Variants in SLC6A2 observed in about 807,000 individuals in gnomAD.
SLC6A2 encodes the protein sodium-dependent noradrenaline transporter.
Under a neutral mutation model 71.7 loss-of-function variants are expected in SLC6A2, and 26 were observed. That is an observed-to-expected ratio of 0.36 (90% CI 0.27 to 0.50). SLC6A2 has a LOEUF of 0.50. SLC6A2 is among the 20% of genes least tolerant of loss of function. The pLI is 0.96. For missense variants in SLC6A2, 581 were observed against 803.9 expected (o/e 0.72, Z 3.35); for synonymous variants, 363 against 337.9 (o/e 1.07, Z -0.82).
intron 13 of SLC6A2, among the ~76,000 whole-genome samples, chr16:55,701,460 C>T (rs1965969225): frequency 6.6e-6 from 1 of 152,204 alleles, no homozygotes; most frequent in East Asian, 1.9e-4. Flanking sequence ...GGAGGGCTTT[C>T]CTGATTCCCT....
At position 55,700,132 on chromosome 16, in the gene SLC6A2, T is replaced by C. The variant is rs1965923902; in HGVS notation, c.1591-7T>C. The C allele has an allele frequency of 6.2e-7, 1 of 1,613,382 alleles. No homozygotes were observed. The highest frequency in any genetic ancestry group is 8.5e-7 in the Non-Finnish European group (1 of 1,179,440). The stretch of plus-strand genomic sequence containing the variant: ...TTCCTTTCTCTCCCTTCTCTGCCCA[T>C]CTCTAGTTCGTGGTTGTGGTCAGCA... On this transcript the variant is annotated splice_polypyrimidine_tract_variant and splice_region_variant and intron_variant, in intron 12 of 14. Coordinates refer to ENST00000568943, the MANE Select transcript of SLC6A2 (RefSeq NM_001172501.3).
At position 55,656,362 on chromosome 16, in the gene SLC6A2, A is replaced by G. The variant is rs753127031; in HGVS notation, c.-52+193A>G. On this transcript the variant is annotated intron_variant, in intron 1 of 14. Coordinates refer to ENST00000568943, the MANE Select transcript of SLC6A2 (RefSeq NM_001172501.3). This position sits in a 1 kb window ranked among gnomAD's most constrained non-coding sequence, Gnocchi z 4.5. Reference sequence around the variant, plus strand: ...GCTGCCCTCAGCCTCGGTGAGTTCAATCCCAGCCATTTGGGGCAGGCGAGA... The same window carrying G: ...GCTGCCCTCAGCCTCGGTGAGTTCAGTCCCAGCCATTTGGGGCAGGCGAGA... 20 of 435,548 alleles carry G rather than the reference A, an allele frequency of 4.6e-5. No homozygotes were observed. Among genetic ancestry groups the G allele is most frequent in the Non-Finnish European group, 7.2e-5 (17 of 234,582 alleles). 27.0% of individuals were successfully genotyped at this position (435,548 alleles called of 1,614,324 possible).
At position 55,691,878 on chromosome 16, in the gene SLC6A2, G is replaced by T. The variant is rs1395599226; in HGVS notation, c.784-40G>T. 4.3e-6 allele frequency: 7 copies of T among 1,612,586 alleles called. No individual in the cohort carries two copies. In the Admixed American group the frequency reaches 1.2e-4, roughly 27 times the overall value. On this transcript the variant is annotated intron_variant, in intron 5 of 14. Coordinates refer to ENST00000568943, the MANE Select transcript of SLC6A2 (RefSeq NM_001172501.3). ...CCCACCAGCCCGCCACGGGATTGGG[G>T]CCAGAGCGAGGCTCTCACCTGAACT...
chr16:55,657,879 C>T (rs1413929915), intron 2 of SLC6A2, among the ~76,000 whole-genome samples: 1 of 152,142 alleles, frequency 6.6e-6, no homozygotes, highest in Admixed American at 6.5e-5. Context: ...GGGTGCTGGC[C>T]CCCACCCCCT....
chr16:55,668,019 T>A (rs534421286), intron 2 of SLC6A2, among the ~76,000 whole-genome samples: 21 of 152,206 alleles, frequency 1.4e-4, no homozygotes, highest in Non-Finnish European at 2.6e-4. Context: ...GTAAGTGGGA[T>A]CAAGCCCAGG....
At chr16:55,701,362 CT>C (rs1181033236) in intron 13 of SLC6A2, among the ~76,000 whole-genome samples, 1 of 152,188 alleles carries the variant, frequency 6.6e-6, no homozygotes, top group Non-Finnish European at 1.5e-5. Context: ...ATTCTTCACA[CT>C]TTGGGAGTGG....
chr16:55,692,897 C>A (rs554922979), intron 6 of SLC6A2, among the ~76,000 whole-genome samples: 1 of 152,296 alleles, frequency 6.6e-6, no homozygotes, highest in East Asian at 1.9e-4. Flanking sequence ...TAGTAACAGC[C>A]AGAAAGATAA....
intron 6 of SLC6A2, 54 bp from the exon 7 acceptor site, chr16:55,693,956 G>A (rs1171462839): frequency 1.8e-6 from 2 of 1,131,152 alleles, no homozygotes; most frequent in Non-Finnish European, 2.7e-6. Context: ...GACCAGTGAG[G>A]TGTTCCAGTG....
At chr16:55,692,116 A>T in intron 6 of SLC6A2, 64 bp downstream of exon 6, 2 of 1,584,662 alleles carry the variant, frequency 1.3e-6, no homozygotes, top group South Asian at 2.2e-5. Context: ...GGAGAAGGTG[A>T]TGATGGAAAA....
At position 55,702,023 on chromosome 16, in the gene SLC6A2, A is replaced by C. The variant is rs1431600444; in HGVS notation, c.1830+89A>C. 4.0e-5 allele frequency: 43 copies of C among 1,075,536 alleles called. No individual in the cohort carries two copies. The East Asian group carries it at 1.0e-3, about 26-fold the overall frequency. The allele number at this position is 1,075,536 out of a possible 1,614,324, so 66.6% of individuals were successfully genotyped here. On this transcript the variant is annotated intron_variant, in intron 14 of 14. Coordinates refer to ENST00000568943, the MANE Select transcript of SLC6A2 (RefSeq NM_001172501.3). The stretch of plus-strand genomic sequence containing the variant: ...TGCACTGCCCAAGGCTAGACATCAC[A>C]TCCAGAAAACCCAGAAACCCAGTGT...
intron 4 of SLC6A2, among the ~76,000 whole-genome samples, chr16:55,678,321 T>C (rs1965160594): frequency 6.6e-6 from 1 of 152,006 alleles, no homozygotes. Context: ...CTTTTTTTTT[T>C]AATGGCGTGA....
At chr16:55,674,431 CTT>C (rs1213422111) in intron 4 of SLC6A2, among the ~76,000 whole-genome samples, 2 of 146,254 alleles carry the variant, frequency 1.4e-5, no homozygotes, top group Non-Finnish European at 1.5e-5. Context: ...TTTTCTTTTT[CTT>C]TTTTTTTTTG....
chr16:55,696,172 C>T, intron 8 of SLC6A2, 53 bp from the exon 9 acceptor site: 1 of 1,077,122 alleles, frequency 9.3e-7, no homozygotes, highest in Non-Finnish European at 1.5e-6. Flanking sequence ...CTATCATGTG[C>T]AGCTCAGACC....
At position 55,700,983 on chromosome 16, in the gene SLC6A2, T is replaced by G. The variant is rs144303737; in HGVS notation, c.1758+677T>G. ...TTCTTTCATAAACTAATAGTGATAA[T>G]CTTTTCCTCATATCCTTACTTTACA... On this transcript the variant is annotated intron_variant, in intron 13 of 14. Transcript: ENST00000568943. Among the ~76,000 whole-genome samples, 98 of 152,310 alleles carry G rather than the reference T, an allele frequency of 6.4e-4. No individual in the cohort carries two copies. In the East Asian group the frequency reaches 0.016, roughly 25 times the overall value.
Position 55,702,873 on chromosome 16 carries a change from C to T in SLC6A2, c.*527C>T. ...CTAGACAGCCCTCTCATGTCTGAAC[C>T]TCAGCCTGGGAGTTAGATTTATTTG... On this transcript the variant is annotated 3_prime_UTR_variant, in exon 15 of 15. Coordinates refer to ENST00000568943, the MANE Select transcript of SLC6A2 (RefSeq NM_001172501.3). 3 of 991,826 alleles carry T rather than the reference C, an allele frequency of 3.0e-6. No homozygotes were observed. Among genetic ancestry groups the T allele is most frequent in the Non-Finnish European group, 3.6e-6 (3 of 833,726 alleles). 61.4% of individuals were successfully genotyped at this position (991,826 alleles called of 1,614,324 possible).
intron 2 of SLC6A2, among the ~76,000 whole-genome samples, chr16:55,665,697 C>T (rs147876078): frequency 1.2e-3 from 187 of 152,172 alleles, no homozygotes; most frequent in Admixed American, 3.5e-3. Flanking sequence ...TTCCAGCCCT[C>T]TACCTGGGGT....
intron 3 of SLC6A2, among the ~76,000 whole-genome samples, 192 bp downstream of exon 3, chr16:55,669,888 A>G (rs2142509251): frequency 6.6e-6 from 1 of 152,318 alleles, no homozygotes; most frequent in East Asian, 1.9e-4. Context: ...TAGCATTAGC[A>G]TAGAAATTCT....
intron 3 of SLC6A2, 159 bp from the exon 4 acceptor site, chr16:55,671,779 A>G: frequency 7.0e-7 from 1 of 1,438,562 alleles, no homozygotes; most frequent in Non-Finnish European, 9.2e-7. Context: ...ATTGTCTTCC[A>G]TGCGACAGGT....
At position 55,694,264 on chromosome 16, in the gene SLC6A2, A is replaced by T. The variant is rs992373396; in HGVS notation, c.1022+151A>T. The T allele has an allele frequency of 1.8e-5, 12 of 684,770 alleles. 1 individual carries two copies. The highest frequency in any genetic ancestry group is 1.7e-4 in the South Asian group (11 of 62,926). 42.4% of individuals were successfully genotyped at this position (684,770 alleles called of 1,614,324 possible). A position where few individuals can be genotyped will look rare whatever the true frequency, so the allele number is the denominator to read the frequency against. ...CATCCTGGGCATTCTATAAACTGCG[A>T]CATGGCCTCTGAGGGTCCTGATGAC... On this transcript the variant is annotated intron_variant, in intron 7 of 14. Transcript: ENST00000568943.
Sources: gnomAD v4.1 joint callset for allele counts (sites outside exome capture counted in the v4.1 genomes callset) on GRCh38, gnomAD v4.1.1 for gene constraint, Gnocchi (gnomAD v3.1) non-coding constraint, MANE v1.5 for transcripts, NCBI Gene and HGNC (gene_info 2026-07-23, HGNC 2026-07-21) for gene names.